DCC: variants seen among roughly 807,000 people sequenced by gnomAD.
DCC encodes the protein netrin receptor DCC.
A neutral mutation model predicts 172.5 loss-of-function variants in DCC; 58 were observed. The ratio of observed to expected loss-of-function variants is 0.34; its 90% CI spans 0.27 to 0.42. The LOEUF (loss-of-function observed/expected upper bound fraction) is 0.42, where lower values mean the gene tolerates loss of function less well. Among genes scored for constraint, DCC ranks in the 10% least tolerant of loss-of-function variants. The pLI, the probability that DCC is intolerant of heterozygous loss-of-function variation, is 1.00. For synonymous variants in DCC, 709 were observed against 644.5 expected, an observed-to-expected ratio of 1.10 and a Z score of -1.52; for missense variants, 1,740 against 1,791.0, an observed-to-expected ratio of 0.97 and a Z score of 0.51.
At chr18:52,361,550 G>C (rs1209826917) in intron 1 of DCC, among the ~76,000 whole-genome samples, 1 of 152,198 alleles carries the variant, frequency 6.6e-6, no homozygotes, top group East Asian at 1.9e-4. Context: ...TCTTCTAAAA[G>C]TGTCAGTTCC....
chr18:52,613,263 T>C (rs759495077), intron 1 of DCC, among the ~76,000 whole-genome samples: 1 of 152,148 alleles, frequency 6.6e-6, no homozygotes, highest in Non-Finnish European at 1.5e-5. Context: ...TCTTGTTTTG[T>C]TTTTGTTTTT....
intron 1 of DCC, among the ~76,000 whole-genome samples, chr18:52,372,356 CTGTT>C (rs886741211): frequency 1.3e-5 from 2 of 152,154 alleles, no homozygotes; most frequent in Non-Finnish European, 2.9e-5. Context: ...CACATGTGCT[CTGTT>C]TGAGAGTCCA....
chr18:52,665,174 C>T (rs974446650), intron 1 of DCC, among the ~76,000 whole-genome samples: 1 of 152,186 alleles, frequency 6.6e-6, no homozygotes, highest in African/African-American at 2.4e-5. Context: ...GAAGCCAGGA[C>T]ATTGAGTTTG....
chr18:53,276,804 G>A (rs185642130), intron 12 of DCC, among the ~76,000 whole-genome samples: 1 of 152,244 alleles, frequency 6.6e-6, no homozygotes, highest in East Asian at 1.9e-4. Flanking sequence ...GTTTAAGGTA[G>A]TAAAGAAACA....
chr18:52,407,527 A>T (rs917134525), intron 1 of DCC, among the ~76,000 whole-genome samples: 4 of 151,968 alleles, frequency 2.6e-5, no homozygotes, highest in Non-Finnish European at 4.4e-5. Flanking sequence ...GCCCTTATAT[A>T]AGGGCCTCTT....
intron 1 of DCC, among the ~76,000 whole-genome samples, chr18:52,736,766 G>A (rs1394948744): frequency 1.3e-5 from 2 of 152,044 alleles, no homozygotes; most frequent in Admixed American, 6.6e-5. Context: ...TGACATTGAC[G>A]TAATATGAGG....
At chr18:53,173,262 C>T (rs1335838037) in intron 8 of DCC, among the ~76,000 whole-genome samples, 1 of 152,158 alleles carries the variant, frequency 6.6e-6, no homozygotes, top group Admixed American at 6.6e-5. Context: ...GACCCCTACT[C>T]TCCTAGAAGT....
At position 52,412,539 on chromosome 18, in the gene DCC, A is replaced by C. The variant is rs572561384; in HGVS notation, c.91+71661A>C. 1.4e-4 allele frequency among the ~76,000 whole-genome samples: 22 copies of C among 152,288 alleles called. No homozygotes were observed. The East Asian group carries it at 3.1e-3, about 21-fold the overall frequency. ...ACAACTAAAATTTGATGAAACATCA[A>C]ATTTCTAAGATAATTTCCAAAAGCT... On this transcript the variant is annotated intron_variant, in intron 1 of 28. Coordinates refer to ENST00000442544, the MANE Select transcript of DCC (RefSeq NM_005215.4).
chr18:52,916,093 T>G (rs2145470311), intron 3 of DCC, among the ~76,000 whole-genome samples: 1 of 152,252 alleles, frequency 6.6e-6, no homozygotes, highest in South Asian at 2.1e-4. Context: ...GTACACATCT[T>G]TTTAGTATTC....
At chr18:53,363,567 C>G (rs758176899) in intron 15 of DCC, among the ~76,000 whole-genome samples, 3 of 152,154 alleles carry the variant, frequency 2.0e-5, no homozygotes, top group Admixed American at 2.0e-4. Context: ...GTGGCCCTCT[C>G]TCTTCCTCAC....
chr18:52,832,580 C>A (rs184162698), intron 2 of DCC, among the ~76,000 whole-genome samples: 163 of 152,232 alleles, frequency 1.1e-3, no homozygotes, highest in African/African-American at 3.7e-3. Flanking sequence ...AACACAATTT[C>A]TTTCCAAATG....
At chr18:52,938,851 C>A (rs1366231724) in intron 5 of DCC, among the ~76,000 whole-genome samples, 1 of 152,078 alleles carries the variant, frequency 6.6e-6, no homozygotes, top group Non-Finnish European at 1.5e-5. Flanking sequence ...TTCATTCTGA[C>A]TTCCCCCACC....
At chr18:53,235,460 A>G (rs770842427) in intron 12 of DCC, among the ~76,000 whole-genome samples, 1 of 152,182 alleles carries the variant, frequency 6.6e-6, no homozygotes, top group Non-Finnish European at 1.5e-5. Context: ...TTCTTTCTGC[A>G]GATTCTTGTC....
At chr18:52,815,925 CAG>C (rs1409150685) in intron 2 of DCC, among the ~76,000 whole-genome samples, 1 of 151,580 alleles carries the variant, frequency 6.6e-6, no homozygotes, top group East Asian at 1.9e-4. Context: ...ACATTTACAA[CAG>C]AGAACAACTT....
chr18:53,280,987 C>T (rs1301102885), intron 12 of DCC, among the ~76,000 whole-genome samples: 1 of 150,740 alleles, frequency 6.6e-6, no homozygotes. Flanking sequence ...GCAGTCTTCT[C>T]TATGAATAAC....
intron 9 of DCC, among the ~76,000 whole-genome samples, chr18:53,193,599 A>G (rs911926177): frequency 1.3e-5 from 2 of 152,120 alleles, no homozygotes; most frequent in Non-Finnish European, 1.5e-5. Context: ...TCTGGAGGGT[A>G]TACCCTTTAC....
chr18:53,218,971 A>G (rs1047333781), intron 12 of DCC, among the ~76,000 whole-genome samples: 2 of 152,272 alleles, frequency 1.3e-5, no homozygotes, highest in South Asian at 2.1e-4. Flanking sequence ...AAAAGTTCTG[A>G]TGAGTAATAA....
chr18:53,454,420 T>G (rs2045458318), intron 23 of DCC, among the ~76,000 whole-genome samples: 1 of 152,202 alleles, frequency 6.6e-6, no homozygotes, highest in African/African-American at 2.4e-5. Context: ...CAATAACATT[T>G]TCTCGCCCAA....
chr18:53,288,774 A>G (rs2056964636), intron 12 of DCC, among the ~76,000 whole-genome samples: 1 of 152,126 alleles, frequency 6.6e-6, no homozygotes, highest in African/African-American at 2.4e-5. Context: ...AGTTGGGAAT[A>G]TTTTCTCAAC....
Sources: allele counts gnomAD v4.1 joint callset (sites outside exome capture counted in the v4.1 genomes callset), GRCh38; gene constraint gnomAD v4.1.1; transcripts MANE v1.5; gene names NCBI Gene and HGNC (gene_info 2026-07-23, HGNC 2026-07-21).